The following GALNTL6 variants were observed in gnomAD, a reference collection of about 807,000 sequenced individuals.
GALNTL6 encodes polypeptide N-acetylgalactosaminyltransferase like 6.
Under a neutral mutation model 73.7 loss-of-function variants are expected in GALNTL6, and 46 were observed. The ratio of observed to expected loss-of-function variants is 0.62; its 90% CI spans 0.49 to 0.80. The LOEUF is 0.80. Ranked by LOEUF, GALNTL6 falls within the 30% of genes least tolerant of loss-of-function variation. The probability of loss-of-function intolerance (pLI) is 0.00; values close to 1 mark genes in which losing one functional copy is unlikely to be tolerated. For missense variants in GALNTL6, 604 were observed against 755.0 expected (o/e 0.80, Z 2.34); for synonymous variants, 259 against 263.7 (o/e 0.98, Z 0.17).
intron 5 of GALNTL6, among the ~76,000 whole-genome samples, chr4:172,643,539 C>T (rs1187819933): frequency 6.6e-6 from 1 of 151,946 alleles, no homozygotes; most frequent in Non-Finnish European, 1.5e-5. Context: ...TACCAGCACA[C>T]CAGATGTCTC....
intron 5 of GALNTL6, among the ~76,000 whole-genome samples, chr4:172,658,005 C>T (rs933398723): frequency 6.8e-6 from 1 of 147,214 alleles, no homozygotes; most frequent in Non-Finnish European, 1.5e-5. Flanking sequence ...AAAAAATTAG[C>T]CGGGCGTAGT....
chr4:172,954,155 T>C (rs556475942), intron 10 of GALNTL6, among the ~76,000 whole-genome samples: 1 of 152,258 alleles, frequency 6.6e-6, no homozygotes, highest in South Asian at 2.1e-4. Context: ...ATATGTGAAT[T>C]TTTCTTCCTA....
At chr4:172,774,377 G>A (rs947526914) in intron 5 of GALNTL6, among the ~76,000 whole-genome samples, 2 of 152,074 alleles carry the variant, frequency 1.3e-5, no homozygotes, top group Non-Finnish European at 2.9e-5. Flanking sequence ...AATGATTTGG[G>A]GTTAGATTTA....
chr4:172,295,642 C>T (rs1338042926), intron 3 of GALNTL6, among the ~76,000 whole-genome samples: 1 of 136,160 alleles, frequency 7.3e-6, no homozygotes, highest in Non-Finnish European at 1.5e-5. Context: ...ATTAATACTG[C>T]CTTGGATTTG....
Position 172,444,363 on chromosome 4 carries a change from T to A in GALNTL6, c.553+95674T>A, listed in dbSNP as rs336013. On this transcript the variant is annotated intron_variant, in intron 5 of 12. Transcript: ENST00000506823. The stretch of plus-strand genomic sequence containing the variant: ...TTATTGTGCTACTTCGTGATTCCCT[T>A]GTTTCCAACTCTTTGCTATCAATAA... Among the ~76,000 whole-genome samples, 1,398 of 152,288 alleles carry A rather than the reference T, an allele frequency of 9.2e-3. 28 individuals are homozygous for A. Among genetic ancestry groups the A allele is most frequent in the African/African-American group, 0.032 (1,320 of 41,536 alleles).
intron 5 of GALNTL6, among the ~76,000 whole-genome samples, chr4:172,526,175 G>C (rs372057071): frequency 2.0e-5 from 3 of 152,086 alleles, no homozygotes; most frequent in African/African-American, 7.2e-5. Flanking sequence ...TCCACTTATA[G>C]CTTCCTATTT....
At chr4:172,467,858 CTTT>C (rs1732888148) in intron 5 of GALNTL6, among the ~76,000 whole-genome samples, 2 of 137,308 alleles carry the variant, frequency 1.5e-5, no homozygotes, top group African/African-American at 2.7e-5. Context: ...TTCTTTCTTT[CTTT>C]CTTTCCTTCT....
intron 2 of GALNTL6, among the ~76,000 whole-genome samples, chr4:171,900,671 A>G (rs1453713485): frequency 1.3e-5 from 2 of 152,078 alleles, no homozygotes; most frequent in South Asian, 2.1e-4. Context: ...GATCAAGGAT[A>G]TAGGACTTAT....
intron 9 of GALNTL6, among the ~76,000 whole-genome samples, chr4:172,935,270 C>T (rs1294469892): frequency 2.0e-5 from 3 of 152,164 alleles, no homozygotes; most frequent in Non-Finnish European, 2.9e-5. Flanking sequence ...CTGTAAGAAA[C>T]ATCAGAGAAT....
chr4:172,266,363 C>T (rs948854080), intron 3 of GALNTL6: 5 of 152,088 alleles, frequency 3.3e-5, no homozygotes, highest in African/African-American at 1.2e-4. Context: ...ATTAATGCTT[C>T]AAGTTACAGT....
intron 5 of GALNTL6, among the ~76,000 whole-genome samples, chr4:172,400,540 T>C (rs1295095918): frequency 1.3e-5 from 2 of 151,912 alleles, no homozygotes; most frequent in Middle Eastern, 3.4e-3. Flanking sequence ...CACGGGAGAC[T>C]CTAGACAGAG....
chr4:173,013,043 G>A (rs1190420582), intron 11 of GALNTL6, among the ~76,000 whole-genome samples: 1 of 152,134 alleles, frequency 6.6e-6, no homozygotes, highest in Non-Finnish European at 1.5e-5. Context: ...TTTATAGAAG[G>A]CTCTGTGACT....
intron 2 of GALNTL6, among the ~76,000 whole-genome samples, chr4:171,828,146 A>G (rs1734874060): frequency 1.3e-5 from 2 of 152,200 alleles, no homozygotes; most frequent in African/African-American, 4.8e-5. Flanking sequence ...TTGGGTTATA[A>G]TTGCATGAAA....
chr4:172,098,430 G>A (rs535318105), intron 2 of GALNTL6, among the ~76,000 whole-genome samples: 1 of 152,158 alleles, frequency 6.6e-6, no homozygotes, highest in African/African-American at 2.4e-5. Context: ...AAAAGCCAAA[G>A]GAGGATAATT....
intron 2 of GALNTL6, among the ~76,000 whole-genome samples, chr4:171,955,589 C>A (rs904479427): frequency 2.0e-5 from 3 of 151,964 alleles, no homozygotes; most frequent in East Asian, 1.9e-4. Flanking sequence ...ATACCTAATG[C>A]GATGTAAATT....
chr4:171,970,744 T>C (rs1033396974), intron 2 of GALNTL6, among the ~76,000 whole-genome samples: 3 of 152,170 alleles, frequency 2.0e-5, no homozygotes, highest in Non-Finnish European at 4.4e-5. Flanking sequence ...GAGCACAAAA[T>C]GCAAAATAAG....
intron 2 of GALNTL6, among the ~76,000 whole-genome samples, chr4:172,082,459 C>A (rs1180695412): frequency 2.0e-5 from 3 of 151,906 alleles, no homozygotes; most frequent in African/African-American, 7.3e-5. Context: ...ATTGCACCTG[C>A]AGTTATAGAT....
At chr4:171,856,276 T>C (rs889892706) in intron 2 of GALNTL6, among the ~76,000 whole-genome samples, 8 of 81,534 alleles carry the variant, frequency 9.8e-5, no homozygotes, top group African/African-American at 3.1e-4. Flanking sequence ...CTACTTTTTG[T>C]ATTTTTTTTT....
chr4:172,885,359 G>A (rs1745665582), intron 8 of GALNTL6, among the ~76,000 whole-genome samples: 1 of 152,018 alleles, frequency 6.6e-6, no homozygotes, highest in Non-Finnish European at 1.5e-5. Context: ...GTATTTTTAA[G>A]CTATTATAAA....
Sources: gnomAD v4.1 joint callset for allele counts (sites outside exome capture counted in the v4.1 genomes callset) on GRCh38, gnomAD v4.1.1 for gene constraint, MANE v1.5 for transcripts, NCBI Gene and HGNC (gene_info 2026-07-23, HGNC 2026-07-21) for gene names.